SNTB1: variants seen among roughly 807,000 people sequenced by gnomAD.
The protein encoded by SNTB1 is beta-1-syntrophin.
A neutral mutation model predicts 48.9 loss-of-function variants in SNTB1; 36 were observed. The ratio of observed to expected loss-of-function variants is 0.74; its 90% CI spans 0.56 to 0.97. The LOEUF is 0.97. Among genes scored for constraint, SNTB1 ranks in the 50% least tolerant of loss-of-function variants. The pLI is 0.00. For synonymous variants in SNTB1, 299 were observed against 294.6 expected, an observed-to-expected ratio of 1.01 and a Z score of -0.15; for missense variants, 786 against 703.4, an observed-to-expected ratio of 1.12 and a Z score of -1.33.
At chr8:120,580,201 C>T (rs1374298533) in intron 3 of SNTB1, among the ~76,000 whole-genome samples, 1 of 152,180 alleles carries the variant, frequency 6.6e-6, no homozygotes, top group East Asian at 1.9e-4. Context: ...CTCTTTTTCT[C>T]GCTTCATACC....
rs532501678 is a variant in SNTB1 at position 120,632,614 on chromosome 8, C to T, written c.826G>A (p.Val276Met). The change falls in exon 3 of 7, where the codon GTG becomes ATG. Residue 276 changes from valine (V) to methionine (M), a missense_variant. Val to Met is a conservative substitution (Grantham distance 21). Transcript: ENST00000517992. ...EIHSPDAKHT[V>M]ILRSKDSATA... ...GCTGAGTCCTTGCTCCTTAGGATCA[C>T]CGTGTGCTTAGCATCTGGAGAGTGG... 16 of 1,614,088 alleles carry T rather than the reference C, an allele frequency of 9.9e-6. No homozygotes were observed. In the African/African-American group the frequency reaches 2.1e-4, roughly 22 times the overall value.
At chr8:120,540,005 C>T (rs578184919) in intron 6 of SNTB1, among the ~76,000 whole-genome samples, 14 of 152,260 alleles carry the variant, frequency 9.2e-5, no homozygotes, top group African/African-American at 2.4e-5. Flanking sequence ...TGTCTAATGC[C>T]AGAGCCAGGG....
At chr8:120,764,545 C>T (rs1443214588) in intron 1 of SNTB1, among the ~76,000 whole-genome samples, 1 of 152,032 alleles carries the variant, frequency 6.6e-6, no homozygotes, top group Non-Finnish European at 1.5e-5. Flanking sequence ...TTTTCTTTTG[C>T]CCCTGTTGAT....
At chr8:120,693,559 A>C in intron 2 of SNTB1, 133 bp downstream of exon 2, 3 of 740,756 alleles carry the variant, frequency 4.0e-6, no homozygotes, top group Non-Finnish European at 2.3e-6. Context: ...AATTCTCAGC[A>C]TGGCCCTTTC....
At chr8:120,805,866 T>C (rs541899320) in intron 1 of SNTB1, among the ~76,000 whole-genome samples, 1 of 152,238 alleles carries the variant, frequency 6.6e-6, no homozygotes, top group Non-Finnish European at 1.5e-5. Context: ...CATTAAAAGC[T>C]ATAAGGCCTG....
chr8:120,808,845 T>C (rs1333632117), intron 1 of SNTB1, among the ~76,000 whole-genome samples: 1 of 152,126 alleles, frequency 6.6e-6, no homozygotes, highest in East Asian at 1.9e-4. Context: ...GTTGGAGTAC[T>C]AAACTAATCT....
chr8:120,576,753 C>T (rs1425653582), intron 3 of SNTB1, among the ~76,000 whole-genome samples: 1 of 152,132 alleles, frequency 6.6e-6, no homozygotes, highest in Non-Finnish European at 1.5e-5. Flanking sequence ...ATCTCAGTTT[C>T]TGGATCTGTA....
At chr8:120,728,274 A>C (rs1818794108) in intron 1 of SNTB1, among the ~76,000 whole-genome samples, 1 of 152,122 alleles carries the variant, frequency 6.6e-6, no homozygotes, top group Non-Finnish European at 1.5e-5. Context: ...GATTACAGGC[A>C]TGAGCCACTG....
At chr8:120,775,876 C>G (rs1044919669) in intron 1 of SNTB1, among the ~76,000 whole-genome samples, 1 of 152,058 alleles carries the variant, frequency 6.6e-6, no homozygotes, top group Middle Eastern at 3.4e-3. Flanking sequence ...GTCAAGGGCC[C>G]GGTTCTTTTT....
At chr8:120,761,104 A>G (rs1156695999) in intron 1 of SNTB1, 1 of 152,198 alleles carries the variant, frequency 6.6e-6, no homozygotes, top group Non-Finnish European at 1.5e-5. Context: ...AAAGACTGAG[A>G]GCAAATCATA....
At chr8:120,656,431 A>G (rs900996851) in intron 2 of SNTB1, among the ~76,000 whole-genome samples, 5 of 152,226 alleles carry the variant, frequency 3.3e-5, no homozygotes, top group African/African-American at 1.2e-4. Flanking sequence ...AAATGATATC[A>G]TTATTAGTTT....
intron 6 of SNTB1, among the ~76,000 whole-genome samples, chr8:120,539,804 T>C (rs982753381): frequency 1.3e-5 from 2 of 152,244 alleles, no homozygotes; most frequent in African/African-American, 4.8e-5. Context: ...GTACTCATTA[T>C]GAGCCAGGTA....
chr8:120,656,689 T>A (rs1817508719), intron 2 of SNTB1, among the ~76,000 whole-genome samples: 1 of 152,228 alleles, frequency 6.6e-6, no homozygotes, highest in Admixed American at 6.5e-5. Flanking sequence ...ATTTAGAGTC[T>A]GAGGGCCTAT....
At chr8:120,738,396 A>G (rs1344045303) in intron 1 of SNTB1, among the ~76,000 whole-genome samples, 1 of 152,242 alleles carries the variant, frequency 6.6e-6, no homozygotes, top group Non-Finnish European at 1.5e-5. Context: ...GCAATACTTT[A>G]ATGTAGAGTC....
intron 1 of SNTB1, among the ~76,000 whole-genome samples, chr8:120,698,804 G>A (rs139488714): frequency 1.4e-4 from 22 of 152,288 alleles, no homozygotes; most frequent in African/African-American, 4.8e-4. Context: ...GTGTGGTAAA[G>A]CAGTGGCTCT....
intron 1 of SNTB1, among the ~76,000 whole-genome samples, chr8:120,779,802 T>C (rs1336661300): frequency 6.6e-6 from 1 of 152,136 alleles, no homozygotes; most frequent in Non-Finnish European, 1.5e-5. Context: ...ATGATAGTTT[T>C]GGTTTGAGGT....
At chr8:120,713,281 C>A (rs1328451556) in intron 1 of SNTB1, among the ~76,000 whole-genome samples, 3 of 152,120 alleles carry the variant, frequency 2.0e-5, no homozygotes, top group African/African-American at 7.2e-5. Flanking sequence ...TTACATGCAT[C>A]TTTCAGTCTG....
At chr8:120,663,409 T>G (rs1817623856) in intron 2 of SNTB1, among the ~76,000 whole-genome samples, 1 of 152,104 alleles carries the variant, frequency 6.6e-6, no homozygotes. Context: ...CAAGAAGTTC[T>G]TTTTCTCCTG....
intron 2 of SNTB1, among the ~76,000 whole-genome samples, chr8:120,634,509 C>T (rs1291432680): frequency 6.6e-6 from 1 of 152,176 alleles, no homozygotes; most frequent in Non-Finnish European, 1.5e-5. Flanking sequence ...GTTAAATTGG[C>T]TCAAAAGCCT....
Sources: allele counts gnomAD v4.1 joint callset (sites outside exome capture counted in the v4.1 genomes callset), GRCh38; gene constraint gnomAD v4.1.1; transcripts MANE v1.5; gene names NCBI Gene and HGNC (gene_info 2026-07-23, HGNC 2026-07-21).